The following ATP1B3 variants were observed in gnomAD, a reference collection of about 807,000 sequenced individuals.
The protein encoded by ATP1B3 is sodium/potassium-transporting ATPase subunit beta-3.
In ATP1B3, 10 loss-of-function variants were observed where a neutral mutation model predicts 30.2. That is an observed-to-expected ratio of 0.33 (90% CI 0.20 to 0.56). The LOEUF is 0.56. ATP1B3 is among the 20% of genes least tolerant of loss of function. The probability of loss-of-function intolerance (pLI) is 0.90; values close to 1 mark genes in which losing one functional copy is unlikely to be tolerated. For synonymous variants in ATP1B3, 113 were observed against 117.0 expected (o/e 0.97, Z 0.22); for missense variants, 238 against 336.7 (o/e 0.71, Z 2.29).
intron 1 of ATP1B3, among the ~76,000 whole-genome samples, chr3:141,888,030 G>A (rs1383203638): frequency 6.6e-6 from 1 of 152,134 alleles, no homozygotes; most frequent in Non-Finnish European, 1.5e-5. Context: ...GTGGTATATT[G>A]GAGATTTGTG....
intron 1 of ATP1B3, among the ~76,000 whole-genome samples, chr3:141,885,329 A>C (rs1933806763): frequency 6.6e-6 from 1 of 152,090 alleles, no homozygotes; most frequent in African/African-American, 2.4e-5. Flanking sequence ...TGAGATGCTC[A>C]TTTTTCCTAG....
chr3:141,914,230 C>G (rs1283813557), intron 4 of ATP1B3, among the ~76,000 whole-genome samples: 1 of 152,080 alleles, frequency 6.6e-6, no homozygotes, highest in Admixed American at 6.5e-5. Context: ...TCCACAGACT[C>G]CATAAAGTTT....
chr3:141,906,768 A>G (rs1207950490), intron 2 of ATP1B3, among the ~76,000 whole-genome samples: 6 of 152,238 alleles, frequency 3.9e-5, no homozygotes, highest in African/African-American at 1.2e-4. Flanking sequence ...ATACAATTTA[A>G]ATGACAAAAG....
intron 1 of ATP1B3, among the ~76,000 whole-genome samples, chr3:141,894,340 T>C (rs1242086407): frequency 1.3e-5 from 2 of 152,120 alleles, no homozygotes; most frequent in African/African-American, 4.8e-5. Context: ...TTTTTTTTAA[T>C]TGAGATGGGG....
intron 1 of ATP1B3, among the ~76,000 whole-genome samples, chr3:141,888,795 C>G (rs1198867307): frequency 6.6e-6 from 1 of 152,118 alleles, no homozygotes; most frequent in Admixed American, 6.5e-5. Flanking sequence ...GGGAGTTCCC[C>G]TGCGCACGCT....
chr3:141,892,492 C>T (rs1559866965), intron 1 of ATP1B3, among the ~76,000 whole-genome samples: 1 of 151,574 alleles, frequency 6.6e-6, no homozygotes, highest in Non-Finnish European at 1.5e-5. Flanking sequence ...ATTTTAATTA[C>T]AAATTGTTAT....
At chr3:141,919,924 G>A (rs1934537076) in intron 5 of ATP1B3, among the ~76,000 whole-genome samples, 1 of 151,948 alleles carries the variant, frequency 6.6e-6, no homozygotes, top group African/African-American at 2.4e-5. Flanking sequence ...AGGCAACAGA[G>A]CAACTCTGTC....
At chr3:141,920,235 C>T (rs893404782) in intron 5 of ATP1B3, among the ~76,000 whole-genome samples, 15 of 151,902 alleles carry the variant, frequency 9.9e-5, no homozygotes, top group African/African-American at 3.1e-4. Context: ...GCTTGTTAGG[C>T]CTAAAGGAGG....
intron 5 of ATP1B3, chr3:141,918,413 C>A (rs1185195153): frequency 1.3e-5 from 2 of 151,994 alleles, no homozygotes; most frequent in Non-Finnish European, 2.9e-5. Context: ...ATTGTGTAAA[C>A]CTTTGGTCAG....
chr3:141,902,094 T>A (rs2107771896), intron 1 of ATP1B3: 1 of 1,264,538 alleles, frequency 7.9e-7, no homozygotes, highest in East Asian at 5.6e-5. Context: ...TATAGCAAAC[T>A]GTTTACTTCT....
Position 141,925,815 on chromosome 3 carries a change from A to C in ATP1B3, c.*114A>C. 1.5e-6 allele frequency: 2 copies of C among 1,305,852 alleles called. No homozygotes were observed. Among genetic ancestry groups the C allele is most frequent in the Non-Finnish European group, 2.1e-6 (2 of 942,630 alleles). The allele number at this position is 1,305,852 out of a possible 1,614,324, so 80.9% of individuals were successfully genotyped here. Reference sequence around the variant, plus strand: ...CACCTTGGAGAAAGGTGTGTGGTACATGACATTGGGTTACATCATAACGTG... The same window carrying C: ...CACCTTGGAGAAAGGTGTGTGGTACCTGACATTGGGTTACATCATAACGTG... On this transcript the variant is annotated 3_prime_UTR_variant, in exon 7 of 7. Transcript: ENST00000286371.
Position 141,903,723 on chromosome 3 carries a change from A to G in ATP1B3, c.213A>G (p.Lys71=). The G allele has an allele frequency of 6.2e-7, 1 of 1,613,896 alleles. No individual in the cohort carries two copies. Residue 71 remains lysine, a synonymous_variant, in exon 2 of 7, where the codon AAA becomes AAG. Transcript: ENST00000286371. The part of the protein sequence containing the change: ...MLQTLNDEVP[K]YRDQIPSPGL... ...AGACTCTCAACGATGAGGTTCCAAAATACCGTGACCAGATTCCTAGCCCAG... is the reference window on the plus strand; with the variant it reads ...AGACTCTCAACGATGAGGTTCCAAAGTACCGTGACCAGATTCCTAGCCCAG...
intron 3 of ATP1B3, among the ~76,000 whole-genome samples, chr3:141,913,199 CT>C (rs577491361): frequency 6.8e-3 from 977 of 142,982 alleles, no homozygotes; most frequent in Middle Eastern, 0.011. Flanking sequence ...AGCTCAGTTG[CT>C]TTTTTTTTTT....
At chr3:141,876,954 G>T (rs971789030) in intron 1 of ATP1B3, 44 bp downstream of exon 1, 1 of 1,449,076 alleles carries the variant, frequency 6.9e-7, no homozygotes, top group African/African-American at 1.5e-5. Context: ...CCTCGGTCCC[G>T]GGGGCGCCGG....
At chr3:141,890,504 T>C (rs1025584027) in intron 1 of ATP1B3, among the ~76,000 whole-genome samples, 1 of 151,988 alleles carries the variant, frequency 6.6e-6, no homozygotes, top group East Asian at 1.9e-4. Context: ...GGTTTCACCA[T>C]GTTGGCCAGG....
chr3:141,877,770 G>GAGTA (rs986273144), intron 1 of ATP1B3, among the ~76,000 whole-genome samples: 21 of 150,552 alleles, frequency 1.4e-4, no homozygotes, highest in Non-Finnish European at 2.9e-4. Flanking sequence ...CTACCGTGTA[G>GAGTA]AGTAGCTTTA....
chr3:141,923,389 C>G lies in ATP1B3; in HGVS notation c.669+1326C>G, dbSNP rs544999944. Among the ~76,000 whole-genome samples the G allele has an allele frequency of 2.6e-5, 4 of 152,304 alleles. No individual in the cohort carries two copies. The East Asian group carries it at 7.7e-4, about 29-fold the overall frequency. The stretch of plus-strand genomic sequence containing the variant: ...GCTAGCAGGTTAGCATGCTCAGCCC[C>G]CTGGCCACGTGATGCCTTGCACCAC... On this transcript the variant is annotated intron_variant, in intron 6 of 6. Transcript: ENST00000286371.
chr3:141,915,556 A>G (rs1193061380), intron 4 of ATP1B3, among the ~76,000 whole-genome samples: 1 of 152,178 alleles, frequency 6.6e-6, no homozygotes, highest in African/African-American at 2.4e-5. Context: ...TCATGGAAAC[A>G]CGGAGAGTGT....
chr3:141,887,518 A>G (rs1157933265), intron 1 of ATP1B3, among the ~76,000 whole-genome samples: 1 of 152,188 alleles, frequency 6.6e-6, no homozygotes, highest in East Asian at 1.9e-4. Context: ...ATAAAGGTAA[A>G]TATATACCCA....
Sources: gnomAD v4.1 joint callset for allele counts (sites outside exome capture counted in the v4.1 genomes callset) on GRCh38, gnomAD v4.1.1 for gene constraint, MANE v1.5 for transcripts, NCBI Gene and HGNC (gene_info 2026-07-23, HGNC 2026-07-21) for gene names.